The following GALNT1 variants were observed in gnomAD, a reference collection of about 807,000 sequenced individuals.
GALNT1 encodes the protein polypeptide N-acetylgalactosaminyltransferase 1.
In GALNT1, 17 loss-of-function variants were observed where a neutral mutation model predicts 65.7. The observed-to-expected ratio is 0.26, with a 90% confidence interval of 0.18 to 0.39. GALNT1 has a LOEUF of 0.39. Among genes scored for constraint, GALNT1 ranks in the 10% least tolerant of loss-of-function variants. GALNT1 has a pLI of 1.00. For synonymous variants in GALNT1, 210 were observed against 219.7 expected (o/e 0.96, Z 0.39); for missense variants, 460 against 672.8 (o/e 0.68, Z 3.50).
In GALNT1 at chr18:35,697,959, C is replaced by T. The variant is rs74806701; in HGVS notation, c.1300-4938C>T. 8.9e-3 allele frequency among the ~76,000 whole-genome samples: 1,359 copies of T among 152,298 alleles called. 22 individuals are homozygous for T. Among genetic ancestry groups the T allele is most frequent in the African/African-American group, 0.029 (1,216 of 41,554 alleles). On this transcript the variant is annotated intron_variant, in intron 9 of 11. Coordinates refer to ENST00000269195, the MANE Select transcript of GALNT1 (RefSeq NM_020474.4). ...TTTCCCCTTGAAATAACTTAGATCT[C>T]CTAGGATTTACACTGTTTCAGAAAG...
At chr18:35,611,597 A>G (rs191349977) in intron 1 of GALNT1, among the ~76,000 whole-genome samples, 3 of 152,328 alleles carry the variant, frequency 2.0e-5, no homozygotes, top group Admixed American at 1.3e-4. Flanking sequence ...ATGTAATCAG[A>G]CAAAAGTAAG....
intron 3 of GALNT1, among the ~76,000 whole-genome samples, chr18:35,671,134 A>G (rs748742482): frequency 2.0e-5 from 3 of 151,920 alleles, no homozygotes; most frequent in Admixed American, 6.6e-5. Context: ...ACAGCCTACC[A>G]TTTATTTATT....
chr18:35,630,820 G>A (rs1283912652), intron 1 of GALNT1, among the ~76,000 whole-genome samples: 1 of 152,054 alleles, frequency 6.6e-6, no homozygotes, highest in Admixed American at 6.6e-5. Context: ...GACTAATAAA[G>A]AAGAAAAGAG....
chr18:35,650,571 A>G (rs475663), intron 1 of GALNT1, among the ~76,000 whole-genome samples: 91,014 of 151,980 alleles, frequency 0.6, 27,606 homozygotes, highest in Middle Eastern at 0.72. Context: ...ATCTACAACC[A>G]TAAAAGACAG....
intron 11 of GALNT1, among the ~76,000 whole-genome samples, chr18:35,705,843 T>G (rs1030241255): frequency 8.5e-5 from 13 of 152,216 alleles, no homozygotes; most frequent in African/African-American, 3.1e-4. Context: ...TGTAATATTC[T>G]TAGCTTTTCC....
At chr18:35,593,495 T>C (rs2046469322) in intron 1 of GALNT1, among the ~76,000 whole-genome samples, 1 of 151,962 alleles carries the variant, frequency 6.6e-6, no homozygotes, top group African/African-American at 2.4e-5. Flanking sequence ...AACCTATTAT[T>C]AGTAGGTCGT....
chr18:35,594,512 C>T (rs549229041), intron 1 of GALNT1, among the ~76,000 whole-genome samples: 41 of 152,010 alleles, frequency 2.7e-4, no homozygotes, highest in Non-Finnish European at 4.9e-4. Context: ...GGGACCTTGC[C>T]AGTGTTTCAG....
chr18:35,696,750 A>C (rs1474711188), intron 9 of GALNT1, among the ~76,000 whole-genome samples: 1 of 152,224 alleles, frequency 6.6e-6, no homozygotes, highest in African/African-American at 2.4e-5. Flanking sequence ...TGGTTTAAAA[A>C]ACACGGCTAA....
intron 2 of GALNT1, among the ~76,000 whole-genome samples, chr18:35,659,283 T>G (rs997111362): frequency 2.0e-5 from 3 of 152,196 alleles, no homozygotes; most frequent in Non-Finnish European, 4.4e-5. Flanking sequence ...CCTGTAACAT[T>G]GTTGTTGATA....
Position 35,670,456 on chromosome 18 carries a change from G to T in GALNT1, c.314+6654G>T, listed in dbSNP as rs192397616. 1.3e-3 allele frequency among the ~76,000 whole-genome samples: 201 copies of T among 152,170 alleles called. 1 individual carries two copies. Among genetic ancestry groups the T allele is most frequent in the African/African-American group, 4.6e-3 (193 of 41,508 alleles). On this transcript the variant is annotated intron_variant, in intron 3 of 11. Coordinates refer to ENST00000269195, the MANE Select transcript of GALNT1 (RefSeq NM_020474.4). ...TAGTCTGAAAATATCAAATATCCAAGAAAGGCTCTTCAGAGTAAATTCTAA... is the reference window on the plus strand; with the variant it reads ...TAGTCTGAAAATATCAAATATCCAATAAAGGCTCTTCAGAGTAAATTCTAA...
At chr18:35,657,026 A>T (rs183915021) in intron 2 of GALNT1, among the ~76,000 whole-genome samples, 1 of 152,190 alleles carries the variant, frequency 6.6e-6, no homozygotes, top group African/African-American at 2.4e-5. Context: ...TGCTCCTTAG[A>T]AGAGGAGCAG....
In GALNT1 at chr18:35,658,423, G is replaced by A. The variant is rs529060587; in HGVS notation, c.139+3622G>A. 9.9e-5 allele frequency among the ~76,000 whole-genome samples: 15 copies of A among 152,244 alleles called. No homozygotes were observed. In the South Asian group the frequency reaches 3.1e-3, roughly 32 times the overall value. On this transcript the variant is annotated intron_variant, in intron 2 of 11. Coordinates refer to ENST00000269195, the MANE Select transcript of GALNT1 (RefSeq NM_020474.4). ...AGGGGAGATAATCTTTGAGGTCCCT[G>A]GTAGTCTTAAGGGAAGAAATGATTA...
At chr18:35,606,129 G>A (rs2046644231) in intron 1 of GALNT1, among the ~76,000 whole-genome samples, 1 of 152,178 alleles carries the variant, frequency 6.6e-6, no homozygotes, top group South Asian at 2.1e-4. Context: ...CAAGCTGAAA[G>A]AGCAGTTACT....
At chr18:35,670,163 A>G (rs2047612781) in intron 3 of GALNT1, among the ~76,000 whole-genome samples, 1 of 152,034 alleles carries the variant, frequency 6.6e-6, no homozygotes, top group African/African-American at 2.4e-5. Flanking sequence ...ACAGTGGTGC[A>G]TGCCTATAGT....
intron 6 of GALNT1, among the ~76,000 whole-genome samples, chr18:35,688,883 G>A (rs1303807958): frequency 2.0e-5 from 3 of 152,124 alleles, no homozygotes; most frequent in African/African-American, 7.2e-5. Context: ...GGACCTGAGG[G>A]CCAAGAAAGA....
chr18:35,581,518 C>G (rs1347891327), upstream of GALNT1, among the ~76,000 whole-genome samples: 2 of 77,418 alleles, frequency 2.6e-5, no homozygotes, highest in East Asian at 9.3e-4. Flanking sequence ...CAGGGAGGAC[C>G]GCGCCCGAGC....
intron 11 of GALNT1, among the ~76,000 whole-genome samples, chr18:35,704,982 A>G (rs971831560): frequency 2.0e-5 from 3 of 152,116 alleles, no homozygotes; most frequent in African/African-American, 7.2e-5. Context: ...CCTTGGCCAT[A>G]AGATGCACTA....
At chr18:35,694,681 G>A (rs12326728) in intron 9 of GALNT1, among the ~76,000 whole-genome samples, 34,110 of 152,138 alleles carry the variant, frequency 0.22, 4,328 homozygotes, top group African/African-American at 0.34. Context: ...AGCACTCCAC[G>A]TGTCCGTTCA....
intron 11 of GALNT1, among the ~76,000 whole-genome samples, chr18:35,706,439 T>G (rs188844111): frequency 6.6e-6 from 1 of 152,032 alleles, no homozygotes; most frequent in Non-Finnish European, 1.5e-5. Flanking sequence ...GAGGCGGAGT[T>G]TGCAGTGAGC....
Sources: allele counts gnomAD v4.1 joint callset (sites outside exome capture counted in the v4.1 genomes callset), GRCh38; gene constraint gnomAD v4.1.1; transcripts MANE v1.5; gene names NCBI Gene and HGNC (gene_info 2026-07-23, HGNC 2026-07-21).